MORN1: variants seen among roughly 807,000 people sequenced by gnomAD.
MORN1 encodes MORN repeat containing 1, also known as MORN repeat-containing protein 1.
MORN1 carries 67 observed loss-of-function variants against 61.9 expected under a neutral mutation model. The observed-to-expected ratio is 1.08, with a 90% CI of 0.89 to 1.33. The LOEUF (loss-of-function observed/expected upper bound fraction) is 1.33. MORN1 is among the 40% of genes most tolerant of loss of function. The pLI is 0.00. For synonymous variants in MORN1, 301 were observed against 292.0 expected (o/e 1.03, Z -0.31); for missense variants, 752 against 691.2 (o/e 1.09, Z -0.99).
chr1:2,326,198 G>A (rs1420926134), intron 12 of MORN1: 1 of 152,260 alleles, frequency 6.6e-6, no homozygotes, highest in Admixed American at 6.5e-5. Flanking sequence ...GGGTGAAAAA[G>A]AATGAAAGAC....
intron 3 of MORN1, 114 bp downstream of exon 3, chr1:2,388,125 C>G: frequency 1.2e-6 from 1 of 815,608 alleles, no homozygotes; most frequent in African/African-American, 1.7e-5. Context: ...AGGCCTCTCA[C>G]GGCACAAAGC....
In MORN1 at chr1:2,370,976, C is replaced by T. The variant is rs1034694199; in HGVS notation, c.745+1505G>A. ...ATCCCAGCACTTTGGGAGGCCAAGG[C>T]GGGTGGATCACGAGGTCAGGAGATC... is the stretch of plus-strand genomic sequence containing the variant. On this transcript the variant is annotated intron_variant, in intron 8 of 13. Transcript: ENST00000378531. Among the ~76,000 whole-genome samples the T allele has an allele frequency of 5.9e-5, 9 of 151,886 alleles. No homozygotes were observed. In the South Asian group the frequency reaches 1.0e-3, roughly 18 times the overall value.
At chr1:2,364,597 G>A (rs562518371) in intron 8 of MORN1, among the ~76,000 whole-genome samples, 59 of 150,710 alleles carry the variant, frequency 3.9e-4, no homozygotes, top group African/African-American at 1.3e-3. Flanking sequence ...GGCTTTTGTT[G>A]CCATTGCTTT....
At chr1:2,354,300 G>T (rs1405082150) in intron 10 of MORN1, among the ~76,000 whole-genome samples, 1 of 152,086 alleles carries the variant, frequency 6.6e-6, no homozygotes, top group African/African-American at 2.4e-5. Context: ...GAAAGTAAAA[G>T]CAGCCTGTAA....
At chr1:2,361,882 T>C (rs1469750750) in intron 8 of MORN1, among the ~76,000 whole-genome samples, 1 of 152,228 alleles carries the variant, frequency 6.6e-6, no homozygotes, top group Admixed American at 6.5e-5. Context: ...TATTAAACAC[T>C]GTATTCTTAT....
At position 2,321,571 on chromosome 1, in the gene MORN1, C is replaced by T. The variant is rs201084172; in HGVS notation, c.1306G>A (p.Val436Met). The T allele has an allele frequency of 6.1e-4, 911 of 1,505,250 alleles. 2 individuals are homozygous for T. Among genetic ancestry groups the T allele is most frequent in the Non-Finnish European group, 5.7e-4 (639 of 1,124,166 alleles). 93.2% of individuals were successfully genotyped at this position (1,505,250 alleles called of 1,614,324 possible). ...GTGGTCACGTCGCGGATCATGAGCA[C>T]GTACTCCCCTGCAAGGGGCGGGTGG... ...QAAAAHLGEYVLMIRDVTTPP... is the reference protein window; with the variant it reads ...QAAAAHLGEYMLMIRDVTTPP... The change falls in exon 14 of 14, where the codon GTG becomes ATG. Residue 436 changes from valine to methionine, a missense_variant. Transcript: ENST00000378531.
intron 6 of MORN1, chr1:2,379,018 A>G (rs1057134737): frequency 2.1e-6 from 1 of 470,868 alleles, no homozygotes; most frequent in Non-Finnish European, 4.4e-6. Context: ...ATTTTTTTCT[A>G]GAATGCATTT....
chr1:2,366,496 A>T (rs10910058), intron 8 of MORN1, among the ~76,000 whole-genome samples: 47,168 of 152,020 alleles, frequency 0.31, 7,987 homozygotes, highest in South Asian at 0.45. Context: ...ATTAAAAAAA[A>T]AATAAAAGCA....
Position 2,372,475 on chromosome 1 carries a change from G to T in MORN1, c.745+6C>A, listed in dbSNP as rs375285781. The T allele has an allele frequency of 3.5e-5, 57 of 1,608,794 alleles. No individual in the cohort carries two copies. In the African/African-American group the frequency reaches 5.0e-4, roughly 14 times the overall value. ...CGTTAGGTCATCTCCCCCTGGAGAT[G>T]CTTACTCTTGGCAATTTCCCCGTGG... On this transcript the variant is annotated splice_donor_region_variant and intron_variant, in intron 8 of 13. Transcript: ENST00000378531. The surrounding 1 kb of genome is among the most constrained non-coding windows in gnomAD (Gnocchi z 5.4).
At chr1:2,324,708 C>T (rs1298735108) in intron 12 of MORN1, among the ~76,000 whole-genome samples, 1 of 152,144 alleles carries the variant, frequency 6.6e-6, no homozygotes, top group Non-Finnish European at 1.5e-5. Flanking sequence ...CTGCCGGGGC[C>T]TCCCCGTGGA....
chr1:2,355,390 G>C (rs2100299765), intron 10 of MORN1: 1 of 1,548,622 alleles, frequency 6.5e-7, no homozygotes, highest in Non-Finnish European at 8.7e-7. Flanking sequence ...TATGATGAAT[G>C]ACGCCTGCGC....
chr1:2,389,196 G>A (rs931991272), intron 2 of MORN1, among the ~76,000 whole-genome samples: 1 of 152,082 alleles, frequency 6.6e-6, no homozygotes, highest in Admixed American at 6.5e-5. Flanking sequence ...TGGCGGGAAC[G>A]TCCACACCAC....
At position 2,323,360 on chromosome 1, in the gene MORN1, C is replaced by T. The variant is rs574516097; in HGVS notation, c.1297+737G>A. ...CAGTGAGCAGCGGGTCCAGACCTTC[C>T]AGCCTTTGGCTCTCCAGCCAGAACC... On this transcript the variant is annotated intron_variant, in intron 13 of 13. Transcript: ENST00000378531. 6.1e-6 allele frequency: 6 copies of T among 985,454 alleles called. No homozygotes were observed. In the South Asian group the frequency reaches 1.9e-4, roughly 31 times the overall value. The allele number at this position is 985,454 out of a possible 1,614,324, so 61.0% of individuals were successfully genotyped here.
rs560883627 is a variant in MORN1, at chr1:2,327,087, G to A, written c.1251-2944C>T. Among the ~76,000 whole-genome samples the A allele has an allele frequency of 1.1e-3, 160 of 149,182 alleles. 1 individual carries two copies. The highest frequency in any genetic ancestry group is 1.8e-3 in the Non-Finnish European group (124 of 67,040). On this transcript the variant is annotated intron_variant, in intron 12 of 13. Coordinates refer to ENST00000378531, the MANE Select transcript of MORN1 (RefSeq NM_024848.3). ...ACAGAAACACAGAAACAAACACAGA[G>A]ACACAGAAACACACAGAAACACACA...
chr1:2,336,988 G>T, intron 10 of MORN1, 138 bp from the exon 11 acceptor site: 1 of 1,038,510 alleles, frequency 9.6e-7, no homozygotes, highest in Non-Finnish European at 1.3e-6. Context: ...CTTGGTGGGG[G>T]CAGGTCAGGG....
intron 12 of MORN1, among the ~76,000 whole-genome samples, chr1:2,325,385 G>A (rs1332046288): frequency 3.3e-5 from 5 of 150,604 alleles, no homozygotes; most frequent in Non-Finnish European, 7.4e-5. Flanking sequence ...ACAGCTCACT[G>A]CGGCCTCCAA....
chr1:2,351,659 C>T (rs926082609), intron 10 of MORN1: 9 of 373,802 alleles, frequency 2.4e-5, no homozygotes, highest in Admixed American at 6.4e-5. Context: ...CGGAGGGGCC[C>T]GAAACCCGCT....
intron 8 of MORN1, among the ~76,000 whole-genome samples, chr1:2,370,118 G>A (rs1248316584): frequency 2.0e-5 from 3 of 152,194 alleles, no homozygotes; most frequent in Admixed American, 6.5e-5. Flanking sequence ...AGATAGCGTG[G>A]CCCTGGCATA....
chr1:2,324,270 G>T, intron 12 of MORN1, 127 bp from the exon 13 acceptor site: 1 of 931,042 alleles, frequency 1.1e-6, no homozygotes, highest in Non-Finnish European at 1.6e-6. Flanking sequence ...AGAGGCCTGC[G>T]AACCCCACCT....
Sources: allele counts gnomAD v4.1 joint callset (sites outside exome capture counted in the v4.1 genomes callset), GRCh38; gene constraint gnomAD v4.1.1; non-coding constraint Gnocchi (gnomAD v3.1); transcripts MANE v1.5; gene names NCBI Gene and HGNC (gene_info 2026-07-23, HGNC 2026-07-21).